NDUFS6: variants seen among roughly 807,000 people sequenced by gnomAD.
NDUFS6 encodes NADH dehydrogenase [ubiquinone] iron-sulfur protein 6, mitochondrial.
NDUFS6 carries 14 observed loss-of-function variants against 13.2 expected under a neutral mutation model. The ratio of observed to expected loss-of-function variants is 1.06; its 90% confidence interval spans 0.70 to 1.66. The LOEUF is 1.66. Ranked by LOEUF, NDUFS6 falls within the 40% of genes most tolerant of loss-of-function variation. The pLI is 0.00. For missense variants in NDUFS6, 206 were observed against 170.8 expected (o/e 1.21, Z -1.15); for synonymous variants, 95 against 72.3 (o/e 1.31, Z -1.60).
chr5:1,813,695 A>C (rs947501306), intron 2 of NDUFS6, among the ~76,000 whole-genome samples: 1 of 152,234 alleles, frequency 6.6e-6, no homozygotes, highest in Non-Finnish European at 1.5e-5. Context: ...CATGCCTATG[A>C]GTCATAAATG....
In NDUFS6 at chr5:1,814,207, A is replaced by T; in HGVS notation, c.187-132A>T. ...GGCCCTGAATTTAATAAGGTCTACA[A>T]TGATAATAGTTAAATGAAGCATGCA... On this transcript the variant is annotated intron_variant, in intron 2 of 3. Coordinates refer to ENST00000274137, the MANE Select transcript of NDUFS6 (RefSeq NM_004553.6). The surrounding 1 kb of genome is among the most constrained non-coding windows in gnomAD (Gnocchi z 4.9). The T allele has an allele frequency of 7.6e-7, 1 of 1,318,284 alleles. No homozygotes were observed. Among genetic ancestry groups the T allele is most frequent in the Non-Finnish European group, 1.1e-6 (1 of 922,280 alleles). The allele number at this position is 1,318,284 out of a possible 1,614,324, so 81.7% of individuals were successfully genotyped here.
chr5:1,802,896 CCTT>C (rs1734071422), intron 2 of NDUFS6, among the ~76,000 whole-genome samples: 1 of 148,380 alleles, frequency 6.7e-6, no homozygotes, highest in Non-Finnish European at 1.5e-5. Flanking sequence ...AAATTAGAAT[CCTT>C]CTGCCTAAAT....
At position 1,816,045 on chromosome 5, in the gene NDUFS6, C is replaced by A. The variant is rs1351158790; in HGVS notation, c.*129C>A. On this transcript the variant is annotated 3_prime_UTR_variant, in exon 4 of 4. Transcript: ENST00000274137. The stretch of plus-strand genomic sequence containing the variant: ...TGAATAAAGGGTGTTGCTGTCAAGG[C>A]TGACAATTTGTAAGTTTGTTTCTTT... 1 of 1,050,168 alleles carries A rather than the reference C, an allele frequency of 9.5e-7. No homozygotes were observed. 65.1% of individuals were successfully genotyped at this position (1,050,168 alleles called of 1,614,324 possible). A position where few individuals can be genotyped will look rare whatever the true frequency, so the allele number is the denominator to read the frequency against.
intron 2 of NDUFS6, among the ~76,000 whole-genome samples, chr5:1,803,466 G>C (rs183709004): frequency 1.4e-4 from 21 of 152,304 alleles, no homozygotes; most frequent in African/African-American, 5.1e-4. Flanking sequence ...TGTCTGGTGG[G>C]TTTGCCTCTC....
chr5:1,806,548 C>A (rs984974538), intron 2 of NDUFS6, among the ~76,000 whole-genome samples: 3 of 152,082 alleles, frequency 2.0e-5, no homozygotes, highest in African/African-American at 4.8e-5. Flanking sequence ...TGTTTTGTTG[C>A]GATAATGTGA....
chr5:1,801,509 G>C lies in NDUFS6; in HGVS notation c.92G>C (p.Arg31Pro), dbSNP rs770018272. Reference protein sequence around the residue: ...LPLGARCFGVRVSPTGEKVTH... With the variant: ...LPLGARCFGVPVSPTGEKVTH... The stretch of plus-strand genomic sequence containing the variant: ...CTGGGCGCCAGGTGTTTCGGGGTGC[G>C]GGTCTCGCCGACCGGGGAGAAGGTC... Residue 31 changes from arginine (R) to proline (P), a missense_variant, in exon 1 of 4, where the codon CGG becomes CCG. Transcript: ENST00000274137. 13 of 1,599,364 alleles carry C rather than the reference G, an allele frequency of 8.1e-6. No homozygotes were observed. The African/African-American group carries it at 1.2e-4, about 15-fold the overall frequency.
At chr5:1,807,771 T>C (rs1188533146) in intron 2 of NDUFS6, among the ~76,000 whole-genome samples, 1 of 152,150 alleles carries the variant, frequency 6.6e-6, no homozygotes, top group Non-Finnish European at 1.5e-5. Context: ...ACCCGAACCA[T>C]GTTGGCTCTC....
chr5:1,814,521 T>A lies in NDUFS6; in HGVS notation c.309+60T>A. On this transcript the variant is annotated intron_variant, in intron 3 of 3. Coordinates refer to ENST00000274137, the MANE Select transcript of NDUFS6 (RefSeq NM_004553.6). The surrounding 1 kb of genome is among the most constrained non-coding windows in gnomAD (Gnocchi z 4.9). ...AGCCTGCTCGTCCTCATACTCCCCT[T>A]CACTCCCAGTGCCTGTTCTTTCTGT... The A allele has an allele frequency of 6.2e-7, 1 of 1,612,874 alleles. No individual in the cohort carries two copies. The highest frequency in any genetic ancestry group is 8.5e-7 in the Non-Finnish European group (1 of 1,179,368).
At chr5:1,808,077 G>A (rs992781743) in intron 2 of NDUFS6, among the ~76,000 whole-genome samples, 2 of 152,194 alleles carry the variant, frequency 1.3e-5, no homozygotes, top group Non-Finnish European at 2.9e-5. Flanking sequence ...GAATTGAGGG[G>A]CCTCGGAATT....
Position 1,801,474 on chromosome 5 carries a change from G to A in NDUFS6, c.57G>A (p.Arg19=), listed in dbSNP as rs1233969290. 6.2e-7 allele frequency: 1 copy of A among 1,603,932 alleles called. No individual in the cohort carries two copies. The highest frequency in any genetic ancestry group is 8.5e-7 in the Non-Finnish European group (1 of 1,178,820). ...RLLNRCGEAA[R]SLPLGARCFG... ...TGAACCGGTGTGGCGAGGCGGCGCG[G>A]AGCCTGCCCCTGGGCGCCAGGTGTT... The change falls in exon 1 of 4, where the codon CGG becomes CGA. Residue 19 remains arginine, a synonymous_variant. Transcript: ENST00000274137.
At position 1,814,634 on chromosome 5, in the gene NDUFS6, A is replaced by G; in HGVS notation, c.309+173A>G. On this transcript the variant is annotated intron_variant, in intron 3 of 3. Transcript: ENST00000274137. The surrounding 1 kb of genome is among the most constrained non-coding windows in gnomAD (Gnocchi z 4.9). ...TACAGCGCCACACTACAGGGCCTAC[A>G]TAGAGCCGCCTGTCCGAAAACCCCC... is the stretch of plus-strand genomic sequence containing the variant. The G allele has an allele frequency of 9.9e-7, 1 of 1,006,136 alleles. No homozygotes were observed. The highest frequency in any genetic ancestry group is 1.5e-6 in the Non-Finnish European group (1 of 661,860). The allele number at this position is 1,006,136 out of a possible 1,614,324, so 62.3% of individuals were successfully genotyped here. A position where few individuals can be genotyped will look rare whatever the true frequency, so the allele number is the denominator to read the frequency against.
chr5:1,804,367 C>T (rs941399498), intron 2 of NDUFS6, among the ~76,000 whole-genome samples: 11 of 152,244 alleles, frequency 7.2e-5, no homozygotes, highest in African/African-American at 2.7e-4. Flanking sequence ...TGGGAAACAA[C>T]TTAAACCAAA....
chr5:1,802,131 C>A (rs1734055843), intron 1 of NDUFS6, 190 bp from the exon 2 acceptor site: 5 of 582,726 alleles, frequency 8.6e-6, no homozygotes, highest in Non-Finnish European at 1.5e-5. Flanking sequence ...TCCAGGTGAC[C>A]ACCCGTTTTC....
At chr5:1,810,855 C>T (rs918187386) in intron 2 of NDUFS6, among the ~76,000 whole-genome samples, 7 of 152,180 alleles carry the variant, frequency 4.6e-5, no homozygotes, top group Middle Eastern at 3.2e-3. Context: ...TCTTTGACAT[C>T]ATGTTACTGA....
At position 1,801,567 on chromosome 5, in the gene NDUFS6, C is replaced by G. The variant is rs986574767; in HGVS notation, c.132+18C>G. On this transcript the variant is annotated intron_variant, in intron 1 of 3. Coordinates refer to ENST00000274137, the MANE Select transcript of NDUFS6 (RefSeq NM_004553.6). ...CTGGCCAGGTAACGGCCGCTGGGTA[C>G]AGGATGCACCTTCCTCCAGCCGCAC... 1.3e-6 allele frequency: 2 copies of G among 1,567,628 alleles called. No homozygotes were observed. Among genetic ancestry groups the G allele is most frequent in the Non-Finnish European group, 1.7e-6 (2 of 1,163,912 alleles).
chr5:1,805,667 T>C (rs949579459), intron 2 of NDUFS6, among the ~76,000 whole-genome samples: 1 of 152,252 alleles, frequency 6.6e-6, no homozygotes, highest in Non-Finnish European at 1.5e-5. Flanking sequence ...GGTATTTCTC[T>C]GCTGTTGATG....
chr5:1,806,650 A>G (rs1056043886), intron 2 of NDUFS6, among the ~76,000 whole-genome samples: 4 of 152,176 alleles, frequency 2.6e-5, no homozygotes, highest in African/African-American at 9.7e-5. Context: ...AGACCCTCCA[A>G]ACAGAAAACA....
At chr5:1,807,554 CAA>C (rs985942056) in intron 2 of NDUFS6, among the ~76,000 whole-genome samples, 7 of 152,184 alleles carry the variant, frequency 4.6e-5, no homozygotes, top group African/African-American at 1.7e-4. Context: ...TTATTTCTCC[CAA>C]GAGGCCGGCA....
intron 1 of NDUFS6, among the ~76,000 whole-genome samples, chr5:1,801,908 C>G (rs866677461): frequency 6.6e-6 from 1 of 152,186 alleles, no homozygotes; most frequent in African/African-American, 2.4e-5. Context: ...CCTGAGAAGT[C>G]GGTTGTAGTC....
Sources: allele counts gnomAD v4.1 joint callset (sites outside exome capture counted in the v4.1 genomes callset), GRCh38; gene constraint gnomAD v4.1.1; non-coding constraint Gnocchi (gnomAD v3.1); transcripts MANE v1.5; gene names NCBI Gene and HGNC (gene_info 2026-07-23, HGNC 2026-07-21).